The following RARB variants were observed in gnomAD, a reference collection of about 807,000 sequenced individuals.
RARB encodes the protein retinoic acid receptor beta.
Under a neutral mutation model 51.9 loss-of-function variants are expected in RARB, and 17 were observed. The observed-to-expected ratio is 0.33, with a 90% CI of 0.22 to 0.49. RARB has a LOEUF of 0.49. Ranked by LOEUF, RARB falls within the 20% of genes least tolerant of loss-of-function variation. The pLI, the probability that RARB is intolerant of heterozygous loss-of-function variation, is 0.99. For synonymous variants in RARB, 215 were observed against 195.4 expected (o/e 1.10, Z -0.84); for missense variants, 369 against 550.8 (o/e 0.67, Z 3.30).
chr3:24,972,027 TG>T (rs1382061072), intron 2 of RARB, among the ~76,000 whole-genome samples: 1 of 151,966 alleles, frequency 6.6e-6, no homozygotes, highest in Non-Finnish European at 1.5e-5. Context: ...CTAGCTATTT[TG>T]AAATGTACGA....
At chr3:25,004,587 T>C (rs1450425484) in intron 2 of RARB, among the ~76,000 whole-genome samples, 3 of 152,158 alleles carry the variant, frequency 2.0e-5, no homozygotes, top group African/African-American at 7.2e-5. Flanking sequence ...CTTAATGGTC[T>C]CACCTCTTAA....
At chr3:24,877,284 T>C (rs1290858410) in intron 2 of RARB, among the ~76,000 whole-genome samples, 1 of 150,922 alleles carries the variant, frequency 6.6e-6, no homozygotes, top group Non-Finnish European at 1.5e-5. Context: ...GAAGTTCTTA[T>C]ATATTTGCAT....
At chr3:25,131,426 T>G (rs1183227756) in intron 3 of RARB, among the ~76,000 whole-genome samples, 1 of 152,026 alleles carries the variant, frequency 6.6e-6, no homozygotes, top group Non-Finnish European at 1.5e-5. Flanking sequence ...TTTAAACATT[T>G]TGATCAGATG....
intron 2 of RARB, among the ~76,000 whole-genome samples, chr3:24,970,308 G>C (rs1696368936): frequency 6.6e-6 from 1 of 152,024 alleles, no homozygotes; most frequent in Non-Finnish European, 1.5e-5. Flanking sequence ...ATAGCTGTTT[G>C]TAGTGGTGAG....
intron 2 of RARB, among the ~76,000 whole-genome samples, chr3:25,023,637 C>T (rs1028362390): frequency 1.7e-4 from 26 of 152,182 alleles, no homozygotes; most frequent in African/African-American, 6.0e-4. Flanking sequence ...ACTTGGGATG[C>T]GTCCTGCCAC....
chr3:24,925,539 C>T (rs1695301091), intron 2 of RARB, among the ~76,000 whole-genome samples: 1 of 150,666 alleles, frequency 6.6e-6, no homozygotes, highest in Non-Finnish European at 1.5e-5. Flanking sequence ...CCACTCTAGA[C>T]ACTGAGGTGG....
intron 5 of RARB, among the ~76,000 whole-genome samples, chr3:25,247,566 G>T (rs905563161): frequency 6.6e-6 from 1 of 152,140 alleles, no homozygotes; most frequent in African/African-American, 2.4e-5. Flanking sequence ...TTCCCTTGTC[G>T]AGGGGAGGGA....
intron 2 of RARB, among the ~76,000 whole-genome samples, chr3:25,012,655 G>A (rs140678204): frequency 1.2e-3 from 188 of 152,262 alleles, no homozygotes; most frequent in African/African-American, 4.2e-3. Flanking sequence ...GCACCTAAAT[G>A]TTGTTTGAGG....
chr3:25,437,219 G>A (rs1025283496), intron 1 of RARB, among the ~76,000 whole-genome samples: 1 of 149,170 alleles, frequency 6.7e-6, no homozygotes, highest in Admixed American at 6.8e-5. Context: ...AGTCCTTTCT[G>A]TTTGTCAGGT....
At chr3:24,839,811 G>T (rs191235225) in intron 1 of RARB, among the ~76,000 whole-genome samples, 7 of 151,240 alleles carry the variant, frequency 4.6e-5, no homozygotes, top group Non-Finnish European at 4.4e-5. Context: ...ACTAGGGAGA[G>T]AATATCCTTT....
chr3:25,516,112 T>C lies in RARB; in HGVS notation c.448+14789T>C, dbSNP rs189499985. ...ACCAGAAATGCACTATGGGCCATGATCTACTCCTAGTTCCCTGACTATGGT... is the reference window on the plus strand; with the variant it reads ...ACCAGAAATGCACTATGGGCCATGACCTACTCCTAGTTCCCTGACTATGGT... On this transcript the variant is annotated intron_variant, in intron 3 of 7. Coordinates refer to ENST00000330688, the MANE Select transcript of RARB (RefSeq NM_000965.5). Among the ~76,000 whole-genome samples, 6 of 152,362 alleles carry C rather than the reference T, an allele frequency of 3.9e-5. No homozygotes were observed. The East Asian group carries it at 9.6e-4, about 24-fold the overall frequency.
At chr3:25,149,642 C>G (rs1700250297) in intron 4 of RARB, among the ~76,000 whole-genome samples, 1 of 152,194 alleles carries the variant, frequency 6.6e-6, no homozygotes, top group South Asian at 2.1e-4. Context: ...CTTTCTGTCT[C>G]CCACTCACCT....
At chr3:25,137,375 CCTTCT>C (rs1700045896) in intron 4 of RARB, among the ~76,000 whole-genome samples, 1 of 151,814 alleles carries the variant, frequency 6.6e-6, no homozygotes, top group Non-Finnish European at 1.5e-5. Context: ...ATTTTTGTTC[CCTTCT>C]CTTTAGCTTT....
chr3:25,139,767 A>G (rs1045034219), intron 4 of RARB, among the ~76,000 whole-genome samples: 1 of 152,182 alleles, frequency 6.6e-6, no homozygotes, highest in East Asian at 1.9e-4. Context: ...TATCATAGCT[A>G]AAGAGGAGAA....
At chr3:24,974,089 G>C (rs933912037) in intron 2 of RARB, among the ~76,000 whole-genome samples, 4 of 152,082 alleles carry the variant, frequency 2.6e-5, no homozygotes, top group African/African-American at 9.6e-5. Context: ...CTGTAGGTTT[G>C]TCATATATGG....
intron 5 of RARB, among the ~76,000 whole-genome samples, chr3:25,355,107 TTAAA>T (rs1209278551): frequency 6.6e-6 from 1 of 152,076 alleles, no homozygotes; most frequent in Non-Finnish European, 1.5e-5. Context: ...TACAGGAAAA[TTAAA>T]TAATATTTGT....
chr3:25,332,519 T>C (rs1463014133), intron 5 of RARB, among the ~76,000 whole-genome samples: 3 of 152,136 alleles, frequency 2.0e-5, no homozygotes, highest in Admixed American at 6.6e-5. Context: ...ATTGATGGGA[T>C]GTATCTCAAA....
At chr3:25,294,396 A>G (rs1046032264) in intron 5 of RARB, among the ~76,000 whole-genome samples, 5 of 152,216 alleles carry the variant, frequency 3.3e-5, no homozygotes, top group South Asian at 2.1e-4. Context: ...TCAGCATCCA[A>G]TAAGGAAAAA....
chr3:25,454,196 G>A (rs564631020), intron 1 of RARB, among the ~76,000 whole-genome samples: 2 of 152,198 alleles, frequency 1.3e-5, no homozygotes, highest in Non-Finnish European at 1.5e-5. Context: ...CGCAAATAGC[G>A]GAGAATCTGG....
Sources: allele counts gnomAD v4.1 joint callset (sites outside exome capture counted in the v4.1 genomes callset), GRCh38; gene constraint gnomAD v4.1.1; transcripts MANE v1.5; gene names NCBI Gene and HGNC (gene_info 2026-07-23, HGNC 2026-07-21).